DNM3: variants seen among roughly 807,000 people sequenced by gnomAD.
DNM3 encodes dynamin-3.
Under a neutral mutation model 101.6 loss-of-function variants are expected in DNM3, and 47 were observed. That is an observed-to-expected ratio of 0.46 (90% confidence interval 0.37 to 0.59). DNM3 has a LOEUF of 0.59. Ranked by LOEUF, DNM3 falls within the 20% of genes least tolerant of loss-of-function variation. The pLI is 0.00. For synonymous variants in DNM3, 385 were observed against 387.9 expected (o/e 0.99, Z 0.09); for missense variants, 849 against 1,085.7 (o/e 0.78, Z 3.06).
chr1:172,178,277 A>T (rs983078439), intron 14 of DNM3, among the ~76,000 whole-genome samples: 6 of 151,984 alleles, frequency 3.9e-5, no homozygotes, highest in Non-Finnish European at 7.4e-5. Flanking sequence ...AGAAGAAAAA[A>T]ATCCAATTCC....
intron 12 of DNM3, among the ~76,000 whole-genome samples, chr1:172,090,493 T>C (rs2053836158): frequency 3.9e-5 from 6 of 152,126 alleles, no homozygotes. Flanking sequence ...ATTTAGATTG[T>C]TCAGAGAAAT....
chr1:172,083,477 TCATGGATTA>T (rs1460445416), intron 12 of DNM3, among the ~76,000 whole-genome samples: 1 of 152,214 alleles, frequency 6.6e-6, no homozygotes, highest in Admixed American at 6.5e-5. Flanking sequence ...ATGTTGATTT[TCATGGATTA>T]CAAATGCCAG....
intron 6 of DNM3, among the ~76,000 whole-genome samples, chr1:172,036,998 TC>T (rs1408679951): frequency 6.6e-6 from 1 of 152,096 alleles, no homozygotes; most frequent in African/African-American, 2.4e-5. Context: ...AACAGACACT[TC>T]TCAAAAGAAG....
At chr1:172,014,795 T>G (rs1325331281) in intron 4 of DNM3, among the ~76,000 whole-genome samples, 1 of 152,136 alleles carries the variant, frequency 6.6e-6, no homozygotes, top group Non-Finnish European at 1.5e-5. Flanking sequence ...TAAGTTTTAA[T>G]AAAGTCCCCT....
chr1:172,223,838 C>G (rs1311845735), intron 14 of DNM3, among the ~76,000 whole-genome samples: 1 of 152,186 alleles, frequency 6.6e-6, no homozygotes, highest in Non-Finnish European at 1.5e-5. Flanking sequence ...AAGTGTAGCT[C>G]TCATCAATCA....
chr1:171,872,675 T>C (rs994269118), intron 1 of DNM3, among the ~76,000 whole-genome samples: 1 of 152,196 alleles, frequency 6.6e-6, no homozygotes, highest in Non-Finnish European at 1.5e-5. Context: ...CAGAATCACA[T>C]TGCTTTTCTC....
intron 14 of DNM3, among the ~76,000 whole-genome samples, chr1:172,132,737 G>A (rs1055098711): frequency 6.6e-6 from 1 of 152,186 alleles, no homozygotes; most frequent in African/African-American, 2.4e-5. Context: ...AATCATAACA[G>A]TGATGGCTAG....
chr1:172,120,671 G>GCTGAATACTATAAGTATGC (rs2056249194), intron 13 of DNM3, among the ~76,000 whole-genome samples: 1 of 152,180 alleles, frequency 6.6e-6, no homozygotes, highest in African/African-American at 2.4e-5. Context: ...CAGCTCAAGT[G>GCTGAATACTATAAGTATGC]CTGAATACTA....
At chr1:172,418,344 C>T (rs2071504043) in exon 21 of DNM3, 1 of 1,287,404 alleles carries the variant, frequency 7.8e-7, no homozygotes, top group South Asian at 1.2e-5. Context: ...CCTTTTGTTT[C>T]CAACAACATG....
intron 14 of DNM3, among the ~76,000 whole-genome samples, chr1:172,179,079 G>C (rs1331780159): frequency 6.6e-6 from 1 of 151,972 alleles, no homozygotes; most frequent in Non-Finnish European, 1.5e-5. Flanking sequence ...TGCTGAGCTA[G>C]TTGTTTTGTG....
chr1:172,313,515 AT>A (rs1280025386), intron 16 of DNM3, among the ~76,000 whole-genome samples: 3 of 152,354 alleles, frequency 2.0e-5, no homozygotes, highest in African/African-American at 7.2e-5. Context: ...CTGAATTTAA[AT>A]TCCTTGAAAC....
At chr1:172,325,958 T>C (rs540290116) in intron 17 of DNM3, among the ~76,000 whole-genome samples, 1 of 152,328 alleles carries the variant, frequency 6.6e-6, no homozygotes, top group East Asian at 1.9e-4. Flanking sequence ...TGTGCACATA[T>C]ACATATAACC....
At chr1:172,124,419 A>AT (rs1023847429) in intron 13 of DNM3, among the ~76,000 whole-genome samples, 3 of 152,178 alleles carry the variant, frequency 2.0e-5, no homozygotes, top group Non-Finnish European at 4.4e-5. Context: ...CCACCAGGAT[A>AT]TTTTTTAGTT....
intron 1 of DNM3, among the ~76,000 whole-genome samples, chr1:171,875,656 T>C (rs542852674): frequency 1.3e-5 from 2 of 152,314 alleles, no homozygotes; most frequent in Admixed American, 1.3e-4. Context: ...TTCTAGGCTT[T>C]ACTTTCCTCA....
chr1:172,002,354 A>G (rs1011708315), intron 4 of DNM3, among the ~76,000 whole-genome samples: 8 of 152,120 alleles, frequency 5.3e-5, no homozygotes, highest in Admixed American at 4.6e-4. Context: ...AAACTCAATT[A>G]TAAAATAGAA....
intron 14 of DNM3, among the ~76,000 whole-genome samples, chr1:172,218,829 G>A (rs1229233182): frequency 2.6e-5 from 4 of 152,034 alleles, no homozygotes; most frequent in East Asian, 1.9e-4. Context: ...ATAATATAGT[G>A]TTATGGATCA....
intron 16 of DNM3, among the ~76,000 whole-genome samples, chr1:172,315,542 A>G (rs887851832): frequency 3.3e-5 from 5 of 152,248 alleles, no homozygotes; most frequent in African/African-American, 1.2e-4. Context: ...GAAGTGCTTA[A>G]AGGAGCTGAT....
At chr1:172,125,472 C>G (rs897787217) in intron 13 of DNM3, among the ~76,000 whole-genome samples, 8 of 152,154 alleles carry the variant, frequency 5.3e-5, no homozygotes, top group African/African-American at 1.7e-4. Flanking sequence ...TCTGTTTTCT[C>G]ATAGCATGGA....
intron 14 of DNM3, among the ~76,000 whole-genome samples, chr1:172,222,248 C>T (rs915288723): frequency 6.6e-6 from 1 of 152,192 alleles, no homozygotes; most frequent in African/African-American, 2.4e-5. Flanking sequence ...ATGGTATTCA[C>T]ATCATAAAGA....
Sources: gnomAD v4.1 joint callset for allele counts (sites outside exome capture counted in the v4.1 genomes callset) on GRCh38, gnomAD v4.1.1 for gene constraint, MANE v1.5 for transcripts, NCBI Gene and HGNC (gene_info 2026-07-23, HGNC 2026-07-21) for gene names.